ZNF569: variants seen among roughly 807,000 people sequenced by gnomAD.
The protein encoded by ZNF569 is zinc finger protein 569.
A neutral mutation model predicts 56.3 loss-of-function variants in ZNF569; 38 were observed. The observed-to-expected ratio is 0.68, with a 90% CI of 0.52 to 0.88. ZNF569 has a LOEUF of 0.88. ZNF569 is among the 40% of genes least tolerant of loss of function. The pLI is 0.00. For synonymous variants in ZNF569, 241 were observed against 262.9 expected, an observed-to-expected ratio of 0.92 and a Z score of 0.81; for missense variants, 666 against 809.2, an observed-to-expected ratio of 0.82 and a Z score of 2.15.
Position 37,444,911 on chromosome 19 carries a change from G to A in ZNF569, c.11C>T (p.Ser4Phe), listed in dbSNP as rs776279211. Residue 4 changes from serine to phenylalanine, a missense_variant, in exon 3 of 6, where the codon TCC (serine) becomes TTC (phenylalanine). Physicochemically the swap from Ser to Phe is radical, Grantham distance 155 (BLOSUM62 -2). Coordinates refer to ENST00000316950, the MANE Select transcript of ZNF569 (RefSeq NM_152484.3). Reference protein sequence around the residue: MTESQGTVTFKDVA... With the variant: MTEFQGTVTFKDVA... ...AATACACTATTTAACATTTACCTGG[G>A]ACTCAGTCATTTCCTCTTCTTTCTG... 6.8e-6 allele frequency: 11 copies of A among 1,608,416 alleles called. No individual in the cohort carries two copies. The African/African-American group carries it at 1.3e-4, about 20-fold the overall frequency.
At chr19:37,419,478 T>TTGGGAGGCCGAGGTGGGTGAATC (rs1252028895) in intron 5 of ZNF569, among the ~76,000 whole-genome samples, 31 of 152,114 alleles carry the variant, frequency 2.0e-4, no homozygotes, top group Non-Finnish European at 8.8e-5. Context: ...TCCCAGCACT[T>TTGGGAGGCCGAGGTGGGTGAATC]TGGGAGGCCG....
At chr19:37,467,051 G>T (rs893510811) in intron 1 of ZNF569, 33 bp downstream of exon 1, 1 of 152,306 alleles carries the variant, frequency 6.6e-6, no homozygotes, top group Non-Finnish European at 1.5e-5. Flanking sequence ...AAAGAGTCCG[G>T]CGCTCAGAGC....
intron 2 of ZNF569, among the ~76,000 whole-genome samples, chr19:37,445,828 C>T (rs1449530288): frequency 2.0e-5 from 3 of 152,116 alleles, no homozygotes; most frequent in Non-Finnish European, 4.4e-5. Flanking sequence ...ACATCCCGTG[C>T]TCATGGATGG....
chr19:37,427,848 C>G, intron 3 of ZNF569: 2 of 513,280 alleles, frequency 3.9e-6, no homozygotes, highest in South Asian at 2.8e-5. Flanking sequence ...GGAAGTGGGA[C>G]TGAGGAGAAA....
rs1254292552 is a variant in ZNF569 at position 37,414,323 on chromosome 19, C to A, written c.335G>T (p.Gly112Val). 1.9e-6 allele frequency: 3 copies of A among 1,613,340 alleles called. No individual in the cohort carries two copies. The highest frequency in any genetic ancestry group is 2.5e-6 in the Non-Finnish European group (3 of 1,179,738). Residue 112 changes from glycine (G) to valine (V), a missense_variant, in exon 6 of 6, where the codon GGC (glycine) becomes GTC (valine). Gly to Val is a moderately radical substitution (Grantham distance 109). Transcript: ENST00000316950. ...KFQKTLTEEK[G>V]NECQKKFANV... is the part of the protein sequence containing the mutation. ...TGCAAATTTCTTTTGACATTCATTG[C>A]CTTTTTCTTCAGTCAGTGTTTTCTG...
chr19:37,455,384 T>C (rs1215226140), intron 2 of ZNF569, among the ~76,000 whole-genome samples: 1 of 152,218 alleles, frequency 6.6e-6, no homozygotes, highest in African/African-American at 2.4e-5. Flanking sequence ...TATTTTTCTT[T>C]CCACTGCAAA....
chr19:37,425,821 T>G (rs1332640796), intron 5 of ZNF569, 47 bp downstream of exon 5: 1 of 1,423,762 alleles, frequency 7.0e-7, no homozygotes, highest in Admixed American at 1.7e-5. Flanking sequence ...GATTAATCAT[T>G]AATAGGCCCT....
At chr19:37,467,925 TTG>T (rs747813245), upstream of ZNF569, 1 of 1,536,126 alleles carries the variant, frequency 6.5e-7, no homozygotes, top group East Asian at 2.4e-5. Context: ...GACTTCTCGA[TTG>T]TGAGTGTGAC....
intron 3 of ZNF569, among the ~76,000 whole-genome samples, chr19:37,444,322 C>T (rs1293310613): frequency 1.3e-5 from 2 of 151,350 alleles, no homozygotes; most frequent in East Asian, 1.9e-4. Context: ...TTGTTTCTGG[C>T]TTCTTTCATT....
At chr19:37,449,559 CTT>C (rs1568741985) in intron 2 of ZNF569, among the ~76,000 whole-genome samples, 1 of 151,930 alleles carries the variant, frequency 6.6e-6, no homozygotes, top group Non-Finnish European at 1.5e-5. Flanking sequence ...ATTGTTGTCT[CTT>C]CTTACTAACC....
At chr19:37,434,407 G>A (rs189998983) in intron 3 of ZNF569, among the ~76,000 whole-genome samples, 116 of 152,086 alleles carry the variant, frequency 7.6e-4, no homozygotes, top group Non-Finnish European at 1.4e-3. Context: ...AAAAACAGCA[G>A]GTTGGGCACA....
At chr19:37,443,086 G>T (rs1162823246) in intron 3 of ZNF569, among the ~76,000 whole-genome samples, 3 of 152,252 alleles carry the variant, frequency 2.0e-5, no homozygotes, top group Non-Finnish European at 4.4e-5. Flanking sequence ...GGGTGCTGAG[G>T]CTCACGCCTG....
intron 2 of ZNF569, among the ~76,000 whole-genome samples, chr19:37,452,941 A>G (rs1319549140): frequency 2.0e-5 from 3 of 152,060 alleles, no homozygotes; most frequent in African/African-American, 7.2e-5. Context: ...CATAATGCAT[A>G]TATTAGTCTG....
chr19:37,438,045 A>G (rs2041342213), intron 3 of ZNF569, among the ~76,000 whole-genome samples: 1 of 152,162 alleles, frequency 6.6e-6, no homozygotes, highest in Non-Finnish European at 1.5e-5. Context: ...AAACTGGAGG[A>G]GCCTGACTTC....
intron 3 of ZNF569, among the ~76,000 whole-genome samples, chr19:37,439,946 G>C (rs982510882): frequency 1.3e-5 from 2 of 152,146 alleles, no homozygotes; most frequent in Non-Finnish European, 2.9e-5. Flanking sequence ...TGGTTAATGG[G>C]TACAAATATA....
At chr19:37,469,256 G>C (rs939621455), upstream of ZNF569, 9 of 1,390,330 alleles carry the variant, frequency 6.5e-6, no homozygotes, top group African/African-American at 1.3e-4. Context: ...ACACTGCGAC[G>C]CCGCGACCTT....
At chr19:37,458,353 C>A (rs894964732) in intron 2 of ZNF569, among the ~76,000 whole-genome samples, 1 of 152,196 alleles carries the variant, frequency 6.6e-6, no homozygotes, top group African/African-American at 2.4e-5. Context: ...TAAACTCCAG[C>A]CATACATAAT....
intron 3 of ZNF569, among the ~76,000 whole-genome samples, chr19:37,435,187 A>G (rs1289552828): frequency 2.6e-5 from 4 of 152,200 alleles, no homozygotes; most frequent in Non-Finnish European, 5.9e-5. Context: ...AGGGGGACAA[A>G]GTTAAAGTGT....
chr19:37,436,432 T>C (rs1302993417), intron 3 of ZNF569, among the ~76,000 whole-genome samples: 1 of 150,668 alleles, frequency 6.6e-6, no homozygotes, highest in African/African-American at 2.4e-5. Context: ...TTAAAAGAAC[T>C]AGAAAAGAGC....
Sources: allele counts gnomAD v4.1 joint callset (sites outside exome capture counted in the v4.1 genomes callset), GRCh38; gene constraint gnomAD v4.1.1; transcripts MANE v1.5; gene names NCBI Gene and HGNC (gene_info 2026-07-23, HGNC 2026-07-21).